Variants in LRRC28 observed in about 807,000 individuals in gnomAD.
LRRC28 encodes leucine-rich repeat-containing protein 28.
A neutral mutation model predicts 45.7 loss-of-function variants in LRRC28; 39 were observed. The observed-to-expected ratio is 0.85, with a 90% CI of 0.66 to 1.12. The LOEUF is 1.12. Among genes scored for constraint, LRRC28 ranks in the 50% most tolerant of loss-of-function variants. The pLI, the probability that LRRC28 is intolerant of heterozygous loss-of-function variation, is 0.00. For synonymous variants in LRRC28, 206 were observed against 178.8 expected, an observed-to-expected ratio of 1.15 and a Z score of -1.22; for missense variants, 435 against 438.5, an observed-to-expected ratio of 0.99 and a Z score of 0.07.
At chr15:99,326,897 T>C (rs759585079) in intron 5 of LRRC28, among the ~76,000 whole-genome samples, 13 of 152,226 alleles carry the variant, frequency 8.5e-5, no homozygotes, top group Non-Finnish European at 1.6e-4. Flanking sequence ...GTAATGTTCA[T>C]AGAATGAGTT....
chr15:99,304,174 G>A (rs1268672264), intron 5 of LRRC28, among the ~76,000 whole-genome samples: 1 of 152,182 alleles, frequency 6.6e-6, no homozygotes, highest in African/African-American at 2.4e-5. Context: ...TTATGCTGCA[G>A]TGGCAGAGTT....
At position 99,386,236 on chromosome 15, in the gene LRRC28, C is replaced by T. The variant is rs1957986513; in HGVS notation, c.*134C>T. 6 of 709,284 alleles carry T rather than the reference C, an allele frequency of 8.5e-6. No individual in the cohort carries two copies. Among genetic ancestry groups the T allele is most frequent in the East Asian group, 7.7e-5 (3 of 39,136 alleles). The allele number at this position is 709,284 out of a possible 1,614,324, so 43.9% of individuals were successfully genotyped here. ...CTCTAGAAATGTCATGATTGAGCTT[C>T]AGAGCTAAAATGCCTTCACCCTTCC... On this transcript the variant is annotated 3_prime_UTR_variant, in exon 10 of 10. Transcript: ENST00000301981.
chr15:99,333,787 TG>T (rs1260301255), intron 5 of LRRC28, 135 bp from the exon 6 acceptor site: 1 of 880,118 alleles, frequency 1.1e-6, no homozygotes, highest in Non-Finnish European at 1.7e-6. Flanking sequence ...CCAAAAATCC[TG>T]CACTTCAGCA....
At chr15:99,278,011 T>TA (rs2081665761) in intron 3 of LRRC28, among the ~76,000 whole-genome samples, 1 of 152,226 alleles carries the variant, frequency 6.6e-6, no homozygotes, top group Non-Finnish European at 1.5e-5. Context: ...TTTTTGCGTG[T>TA]TAACTTTATA....
intron 5 of LRRC28, among the ~76,000 whole-genome samples, chr15:99,323,757 A>G (rs966702728): frequency 6.6e-6 from 1 of 152,226 alleles, no homozygotes; most frequent in African/African-American, 2.4e-5. Flanking sequence ...AGAAGTAAAT[A>G]CTAACTTTTC....
chr15:99,252,956 A>C (rs987683048), intron 1 of LRRC28, among the ~76,000 whole-genome samples: 2 of 152,228 alleles, frequency 1.3e-5, no homozygotes, highest in African/African-American at 4.8e-5. Context: ...CAGGATTTCT[A>C]AATAAGTTTC....
At position 99,361,513 on chromosome 15, in the gene LRRC28, T is replaced by C; in HGVS notation, c.871+2T>C. 1 of 1,576,776 alleles carries C rather than the reference T, an allele frequency of 6.3e-7. No homozygotes were observed. Among genetic ancestry groups the C allele is most frequent in the Non-Finnish European group, 8.6e-7 (1 of 1,163,842 alleles). On this transcript the variant is annotated splice_donor_variant, in intron 8 of 9. Coordinates refer to ENST00000301981, the MANE Select transcript of LRRC28 (RefSeq NM_144598.5). LOFTEE classifies it high-confidence loss of function. Reference sequence around the variant, plus strand: ...ATACCTACCACAGCTTGCTGAAAGGTACGTGGGACTTCTGGTTTTCTTATT... The same window carrying C: ...ATACCTACCACAGCTTGCTGAAAGGCACGTGGGACTTCTGGTTTTCTTATT...
chr15:99,358,736 A>G (rs1288703555), intron 7 of LRRC28, among the ~76,000 whole-genome samples: 3 of 152,152 alleles, frequency 2.0e-5, no homozygotes, highest in Admixed American at 6.5e-5. Context: ...AAAAAAAGCT[A>G]TGTCCTATTT....
intron 9 of LRRC28, among the ~76,000 whole-genome samples, chr15:99,376,130 T>C (rs1313044325): frequency 6.6e-6 from 1 of 152,182 alleles, no homozygotes; most frequent in Non-Finnish European, 1.5e-5. Flanking sequence ...TCTAGCTATG[T>C]ACCAAAATCT....
At chr15:99,293,622 A>G (rs980073743) in intron 5 of LRRC28, among the ~76,000 whole-genome samples, 2 of 144,682 alleles carry the variant, frequency 1.4e-5, no homozygotes, top group South Asian at 4.5e-4. Context: ...AAAAAAAAAA[A>G]AAAAAAAAAA....
At chr15:99,312,541 C>A (rs145358831) in intron 5 of LRRC28, among the ~76,000 whole-genome samples, 2 of 152,098 alleles carry the variant, frequency 1.3e-5, no homozygotes, top group Admixed American at 6.6e-5. Context: ...TATAAGTAGA[C>A]GGAGTACACT....
intron 9 of LRRC28, among the ~76,000 whole-genome samples, chr15:99,378,760 CT>C: frequency 6.6e-6 from 1 of 152,204 alleles, no homozygotes; most frequent in South Asian, 2.1e-4. Flanking sequence ...GGGCTGTTGA[CT>C]TTTGTTGAAG....
chr15:99,329,248 T>A (rs1392225291), intron 5 of LRRC28, among the ~76,000 whole-genome samples: 1 of 152,206 alleles, frequency 6.6e-6, no homozygotes, highest in African/African-American at 2.4e-5. Flanking sequence ...ATCACTTAAT[T>A]GTAATGGTAA....
chr15:99,356,958 T>C (rs1239027396), intron 7 of LRRC28, among the ~76,000 whole-genome samples: 2 of 152,362 alleles, frequency 1.3e-5, no homozygotes, highest in East Asian at 3.9e-4. Context: ...AAACTTAGCC[T>C]TAAGTAGCTC....
chr15:99,263,154 CAAAA>C (rs68042511), intron 2 of LRRC28, among the ~76,000 whole-genome samples: 1 of 133,918 alleles, frequency 7.5e-6, no homozygotes, highest in Non-Finnish European at 1.6e-5. Flanking sequence ...ATAAAAAATA[CAAAA>C]AAAAAAAAAA....
chr15:99,257,679 G>A (rs530187252), intron 2 of LRRC28: 21 of 753,696 alleles, frequency 2.8e-5, no homozygotes, highest in Middle Eastern at 2.4e-4. Flanking sequence ...GCTGACCTTC[G>A]GGTCGGTCAG....
intron 1 of LRRC28, 182 bp downstream of exon 1, chr15:99,251,723 C>G (rs1279977350): frequency 6.6e-6 from 1 of 152,348 alleles, no homozygotes; most frequent in East Asian, 1.9e-4. Context: ...CTCTGCGGCC[C>G]GCGGCCCCTG....
At chr15:99,352,831 A>C (rs898340323) in intron 7 of LRRC28, among the ~76,000 whole-genome samples, 1 of 152,220 alleles carries the variant, frequency 6.6e-6, no homozygotes, top group Non-Finnish European at 1.5e-5. Context: ...CAGTGGTGCT[A>C]GTCACAGAAA....
rs773091255 is a variant in LRRC28 at position 99,256,056 on chromosome 15, G to T, written c.99G>T (p.Glu33Asp). 1 of 1,613,898 alleles carries T rather than the reference G, an allele frequency of 6.2e-7. No individual in the cohort carries two copies. The highest frequency in any genetic ancestry group is 8.5e-7 in the Non-Finnish European group (1 of 1,179,910). The change falls in exon 2 of 10, where the codon GAG becomes GAT. Residue 33 changes from glutamate to aspartate, a missense_variant. By Grantham distance (45) the Glu-to-Asp change is conservative (BLOSUM62 2). Transcript: ENST00000301981. ...NYRNLHHFPL[E>D]LLKDEGLQYL... ...GGAATCTGCACCATTTTCCATTGGA[G>T]TTACTGAAAGATGAGGGACTGCAGT...
Sources: allele counts gnomAD v4.1 joint callset (sites outside exome capture counted in the v4.1 genomes callset), GRCh38; gene constraint gnomAD v4.1.1; transcripts MANE v1.5; gene names NCBI Gene and HGNC (gene_info 2026-07-23, HGNC 2026-07-21).